POR: variants seen among roughly 807,000 people sequenced by gnomAD.
POR encodes NADPH--cytochrome P450 reductase.
Under a neutral mutation model 84.0 loss-of-function variants are expected in POR, and 56 were observed. That is an observed-to-expected ratio of 0.67 (90% CI 0.54 to 0.83). The LOEUF (loss-of-function observed/expected upper bound fraction) is 0.83, where lower values mean the gene tolerates loss of function less well. Ranked by LOEUF, POR falls within the 40% of genes least tolerant of loss-of-function variation. The pLI, the probability that POR is intolerant of heterozygous loss-of-function variation, is 0.00. For synonymous variants in POR, 414 were observed against 400.5 expected (o/e 1.03, Z -0.40); for missense variants, 938 against 944.3 (o/e 0.99, Z 0.09).
At chr7:75,948,491 A>G (rs1787276730) in intron 1 of POR, among the ~76,000 whole-genome samples, 1 of 152,114 alleles carries the variant, frequency 6.6e-6, no homozygotes, top group South Asian at 2.1e-4. Flanking sequence ...TGTGGTCCTG[A>G]CTGTGAACTC....
At chr7:75,916,375 C>T (rs1806568360) in intron 1 of POR, among the ~76,000 whole-genome samples, 3 of 152,180 alleles carry the variant, frequency 2.0e-5, no homozygotes, top group Admixed American at 6.5e-5. Context: ...TTTGCAAGTT[C>T]TACCTACGGA....
At chr7:75,958,657 G>A (rs1787791015) in intron 2 of POR, among the ~76,000 whole-genome samples, 1 of 151,960 alleles carries the variant, frequency 6.6e-6, no homozygotes, top group Non-Finnish European at 1.5e-5. Flanking sequence ...GTGTTAATAG[G>A]CCTCCTACGA....
intron 1 of POR, chr7:75,915,579 C>T (rs1264149919): frequency 6.6e-6 from 1 of 152,300 alleles, no homozygotes; most frequent in East Asian, 1.9e-4. Context: ...ATGAATGGGC[C>T]TCGGGAGGCA....
chr7:75,929,741 C>T (rs1807319640), intron 1 of POR, among the ~76,000 whole-genome samples: 1 of 152,166 alleles, frequency 6.6e-6, no homozygotes, highest in African/African-American at 2.4e-5. Flanking sequence ...TTTGAAACCA[C>T]CTGTTGGACC....
At chr7:75,922,481 G>T (rs1337977460) in intron 1 of POR, among the ~76,000 whole-genome samples, 1 of 151,948 alleles carries the variant, frequency 6.6e-6, no homozygotes, top group Non-Finnish European at 1.5e-5. Context: ...GTGCCATCAT[G>T]CCTGGCTAAT....
chr7:75,958,515 C>T (rs563377858), intron 2 of POR, among the ~76,000 whole-genome samples: 27 of 152,250 alleles, frequency 1.8e-4, no homozygotes, highest in African/African-American at 4.3e-4. Context: ...ATGAAGAAAC[C>T]GAGGTGCCAG....
chr7:75,969,511 C>A (rs1387847628), intron 2 of POR, among the ~76,000 whole-genome samples: 2 of 152,204 alleles, frequency 1.3e-5, no homozygotes, highest in Non-Finnish European at 2.9e-5. Context: ...GCCTCCCGTG[C>A]CCCCACCTGG....
intron 7 of POR, 149 bp from the exon 8 acceptor site, chr7:75,982,075 A>G (rs1585130323): frequency 4.6e-6 from 3 of 658,630 alleles, no homozygotes; most frequent in Non-Finnish European, 2.8e-6. Context: ...CTCCTTGTGC[A>G]TCTGCAGCAG....
Position 75,985,096 on chromosome 7 carries a change from C to T in POR, c.1287C>T (p.His429=). Residue 429 remains histidine (H), a synonymous_variant, in exon 12 of 16, where the codon CAC becomes CAT. Coordinates refer to ENST00000461988, the MANE Select transcript of POR (RefSeq NM_000941.3). The stretch of plus-strand genomic sequence containing the variant: ...GCTGGGTGGTGGAGGCCCGGAGGCA[C>T]ATCCTGGCCATCCTGCAGGACTGCC... The T allele has an allele frequency of 1.2e-6, 2 of 1,600,010 alleles. No individual in the cohort carries two copies. Among genetic ancestry groups the T allele is most frequent in the African/African-American group, 1.3e-5 (1 of 75,030 alleles).
chr7:75,973,151 T>C (rs1165661012), intron 3 of POR, among the ~76,000 whole-genome samples: 2 of 152,080 alleles, frequency 1.3e-5, no homozygotes, highest in African/African-American at 4.8e-5. Context: ...TAGGCATCAG[T>C]ACTACATTTA....
chr7:75,957,399 T>C (rs2116442888), intron 2 of POR, among the ~76,000 whole-genome samples: 1 of 152,238 alleles, frequency 6.6e-6, no homozygotes, highest in East Asian at 1.9e-4. Context: ...AATAGTACTT[T>C]TGATAAAAAA....
At chr7:75,977,894 C>G (rs1788770552) in intron 3 of POR, among the ~76,000 whole-genome samples, 1 of 152,196 alleles carries the variant, frequency 6.6e-6, no homozygotes, top group Non-Finnish European at 1.5e-5. Flanking sequence ...GGCCTCCCTT[C>G]CACCCTTCAG....
At chr7:75,977,895 C>T (rs1278299966) in intron 3 of POR, among the ~76,000 whole-genome samples, 4 of 152,212 alleles carry the variant, frequency 2.6e-5, no homozygotes, top group Non-Finnish European at 5.9e-5. Context: ...GCCTCCCTTC[C>T]ACCCTTCAGA....
intron 1 of POR, among the ~76,000 whole-genome samples, chr7:75,937,900 G>C (rs1554551056): frequency 1.3e-5 from 2 of 152,226 alleles, no homozygotes; most frequent in African/African-American, 4.8e-5. Flanking sequence ...GTTGACGCTG[G>C]ATTATATCCA....
intron 1 of POR, among the ~76,000 whole-genome samples, chr7:75,920,887 G>A (rs1305608604): frequency 3.3e-5 from 5 of 152,064 alleles, no homozygotes; most frequent in African/African-American, 1.2e-4. Flanking sequence ...AGTGGTGCCC[G>A]GCATCATTCA....
intron 1 of POR, among the ~76,000 whole-genome samples, chr7:75,952,481 C>T (rs1338589931): frequency 6.6e-6 from 1 of 151,684 alleles, no homozygotes. Context: ...ACCTCCCTCC[C>T]GGACGGGGTG....
chr7:75,966,695 C>G (rs528740120), intron 2 of POR, among the ~76,000 whole-genome samples: 1 of 152,206 alleles, frequency 6.6e-6, no homozygotes, highest in Non-Finnish European at 1.5e-5. Context: ...AGAAATGTTC[C>G]TCAGCGTCGC....
chr7:75,928,835 C>A (rs1260111972), intron 1 of POR, among the ~76,000 whole-genome samples: 2 of 152,002 alleles, frequency 1.3e-5, no homozygotes, highest in Non-Finnish European at 2.9e-5. Flanking sequence ...AGAGCTGTGG[C>A]TCTCCCAACT....
At chr7:75,915,971 AATGAAAG>A (rs1554548024) in intron 1 of POR, among the ~76,000 whole-genome samples, 1 of 152,176 alleles carries the variant, frequency 6.6e-6, no homozygotes, top group Admixed American at 6.5e-5. Flanking sequence ...GGGCTGTTTC[AATGAAAG>A]TGGCTGTCTC....
Sources: allele counts gnomAD v4.1 joint callset (sites outside exome capture counted in the v4.1 genomes callset), GRCh38; gene constraint gnomAD v4.1.1; transcripts MANE v1.5; gene names NCBI Gene and HGNC (gene_info 2026-07-23, HGNC 2026-07-21).